ATP6AP1: variants seen among roughly 807,000 people sequenced by gnomAD.
ATP6AP1 encodes V-type proton ATPase subunit S1.
In ATP6AP1, 1 loss-of-function variant was observed where a neutral mutation model predicts 32.0. The ratio of observed to expected loss-of-function variants is 0.03; its 90% CI spans 0.01 to 0.15. The LOEUF is 0.15. Among genes scored for constraint, ATP6AP1 ranks in the 10% least tolerant of loss-of-function variants. The probability of loss-of-function intolerance (pLI) is 1.00; values close to 1 mark genes in which losing one functional copy is unlikely to be tolerated. For missense variants in ATP6AP1, 297 were observed against 398.8 expected, an observed-to-expected ratio of 0.74 and a Z score of 2.17; for synonymous variants, 187 against 174.9, an observed-to-expected ratio of 1.07 and a Z score of -0.55.
At chrX:154,432,153 T>C (rs2068696832) in intron 3 of ATP6AP1, 113 bp from the exon 4 acceptor site, 2 of 809,956 alleles carry the variant, frequency 2.5e-6, no homozygotes, top group Non-Finnish European at 3.5e-6. Context: ...ATTTTCTTGG[T>C]GAGCCTTTAT....
At chrX:154,429,358 G>C (rs2068682102) in intron 2 of ATP6AP1, 184 bp downstream of exon 2, 1 of 533,738 alleles carries the variant, frequency 1.9e-6, no homozygotes, top group Non-Finnish European at 3.0e-6. Flanking sequence ...GACAGCCTCG[G>C]AAATGGCACC....
rs782582475 is a variant in ATP6AP1 at position 154,428,718 on chromosome X, G to C, written c.26G>C (p.Arg9Pro). Residue 9 changes from arginine to proline, a missense_variant, in exon 1 of 10, where the codon CGA (arginine) becomes CCA (proline). Arg to Pro is a moderately radical substitution (Grantham distance 103). Around this residue, in one of 2 missense-constraint regions of ATP6AP1, gnomAD observed 142 missense variants for 145.0 expected, o/e 0.98. Coordinates refer to ENST00000369762, the MANE Select transcript of ATP6AP1 (RefSeq NM_001183.6). ...ATGATGGCGGCCATGGCGACGGCTCGAGTGCGGATGGGGCCGCGGTGCGCC... is the reference window on the plus strand; with the variant it reads ...ATGATGGCGGCCATGGCGACGGCTCCAGTGCGGATGGGGCCGCGGTGCGCC... MMAAMATA[R>P]VRMGPRCAQA... 2 of 1,149,792 alleles carry C rather than the reference G, an allele frequency of 1.7e-6. No individual in the cohort carries two copies. The highest frequency in any genetic ancestry group is 3.8e-5 in the South Asian group (2 of 52,161). The allele number at this position is 1,149,792 out of a possible 1,213,427, so 94.8% of individuals were successfully genotyped here.
In ATP6AP1 at chrX:154,436,323, T is replaced by C. The variant is rs369345078; in HGVS notation, c.*432T>C. 10 of 138,235 alleles carry C rather than the reference T, an allele frequency of 7.2e-5. No individual in the cohort carries two copies. In the East Asian group the frequency reaches 1.6e-3, roughly 23 times the overall value. 11.4% of individuals were successfully genotyped at this position (138,235 alleles called of 1,213,427 possible). A position where few individuals can be genotyped will look rare whatever the true frequency, so the allele number is the denominator to read the frequency against. On this transcript the variant is annotated 3_prime_UTR_variant, in exon 10 of 10. Coordinates refer to ENST00000369762, the MANE Select transcript of ATP6AP1 (RefSeq NM_001183.6). ...CTGTCCTGCTTGGCTGTCGTTATCG[T>C]TTTCTGGTGATGTTGTGCTAACAAT...
chrX:154,432,490 C>A (rs782724094), intron 4 of ATP6AP1, 31 bp downstream of exon 4: 36 of 1,146,990 alleles, frequency 3.1e-5, no homozygotes, highest in Non-Finnish European at 4.1e-5. Context: ...CCACCAGCCT[C>A]GGGGCCCAGA....
rs782713260 is a variant in ATP6AP1 at position 154,435,750 on chromosome X, C to T, written c.1272C>T (p.Pro424=). 9 of 1,210,143 alleles carry T rather than the reference C, an allele frequency of 7.4e-6. No homozygotes were observed. The highest frequency in any genetic ancestry group is 3.5e-5 in the South Asian group (2 of 56,883). Residue 424 remains proline, a synonymous_variant, in exon 10 of 10, where the codon CCC becomes CCT. Transcript: ENST00000369762. The part of the protein sequence containing the change: ...YASDCASFFS[P]GIWMGLLTSL... ...GCGACTGTGCCAGCTTCTTCTCCCC[C>T]GGCATCTGGATGGGGCTGCTCACCT...
chrX:154,432,619 G>A (rs1557197022), intron 4 of ATP6AP1, among the ~76,000 whole-genome samples, 160 bp downstream of exon 4: 2 of 112,574 alleles, frequency 1.8e-5, no homozygotes. Flanking sequence ...GAGGAGGGGA[G>A]GGCCTCTTCT....
In ATP6AP1 at chrX:154,432,307, C is replaced by A; in HGVS notation, c.405C>A (p.Ala135=). 8.3e-7 allele frequency: 1 copy of A among 1,210,873 alleles called. No individual in the cohort carries two copies. The highest frequency in any genetic ancestry group is 1.1e-6 in the Non-Finnish European group (1 of 894,681). Residue 135 remains alanine (A), a synonymous_variant, in exon 4 of 10, where the codon GCC becomes GCA. Transcript: ENST00000369762. ...CCCCCTCCTCACTGGTGCTTCCTGC[C>A]GTCGACTGGTATGCAGTCAGCACTC... The part of the protein sequence containing the change: ...DLAPSSLVLP[A]VDWYAVSTLT...
At chrX:154,433,046 T>G in intron 5 of ATP6AP1, 75 bp downstream of exon 5, 261 of 1,008,881 alleles carry the variant, frequency 2.6e-4, no homozygotes, top group Non-Finnish European at 3.3e-4. Flanking sequence ...TGGCCTGCAG[T>G]TCCTCGGCCT....
At position 154,435,684 on chromosome X, in the gene ATP6AP1, C is replaced by A. The variant is rs782073180; in HGVS notation, c.1206C>A (p.Ile402=). ...PWQMMLQDFQ[I]QAFNVMGEQF... ...ACCCGTGTCTGTGTGTCTGCCAGAT[C>A]CAGGCTTTCAACGTAATGGGGGAGC... is the stretch of plus-strand genomic sequence containing the variant. The change falls in exon 10 of 10, where the codon ATC becomes ATA. Residue 402 remains isoleucine, a splice_region_variant and synonymous_variant. Coordinates refer to ENST00000369762, the MANE Select transcript of ATP6AP1 (RefSeq NM_001183.6). 2 of 1,211,576 alleles carry A rather than the reference C, an allele frequency of 1.7e-6. No homozygotes were observed. Among genetic ancestry groups the A allele is most frequent in the Non-Finnish European group, 2.2e-6 (2 of 895,291 alleles).
intron 2 of ATP6AP1, 131 bp downstream of exon 2, chrX:154,429,305 G>C: frequency 1.2e-6 from 1 of 858,448 alleles, no homozygotes; most frequent in Non-Finnish European, 1.6e-6. Context: ...GGTGTGGGTC[G>C]TCTCATGGGA....
chrX:154,430,465 C>T (rs782174851), intron 2 of ATP6AP1: 4 of 111,709 alleles, frequency 3.6e-5, no homozygotes, highest in Admixed American at 1.9e-4. Flanking sequence ...TAGCCAGGAT[C>T]CCCCAGTCTT....
intron 2 of ATP6AP1, chrX:154,430,713 G>T (rs1356310993): frequency 9.0e-6 from 1 of 111,585 alleles, no homozygotes. Context: ...TGCTATTTTA[G>T]ATAAGGGTGG....
chrX:154,431,704 A>C, intron 2 of ATP6AP1, 126 bp from the exon 3 acceptor site: 12 of 573,747 alleles, frequency 2.1e-5, no homozygotes, highest in African/African-American at 6.8e-5. Flanking sequence ...GTGCTCCACC[A>C]TACTGAACCT....
intron 3 of ATP6AP1, 42 bp downstream of exon 3, chrX:154,431,946 G>A (rs782310185): frequency 8.6e-7 from 1 of 1,167,377 alleles, no homozygotes; most frequent in African/African-American, 1.8e-5. Flanking sequence ...GGGACATTCT[G>A]TGCTCCTTCT....
intron 2 of ATP6AP1, 51 bp from the exon 3 acceptor site, chrX:154,431,779 C>T (rs906335347): frequency 1.3e-5 from 15 of 1,159,986 alleles, no homozygotes; most frequent in Middle Eastern, 5.2e-4. Context: ...CCTGCCTTGG[C>T]CCCCATCACT....
At chrX:154,429,362 T>C (rs2068682115) in intron 2 of ATP6AP1, 188 bp downstream of exon 2, 3 of 515,014 alleles carry the variant, frequency 5.8e-6, no homozygotes, top group African/African-American at 4.8e-5. Flanking sequence ...GCCTCGGAAA[T>C]GGCACCAACT....
At chrX:154,431,929 G>A (rs782435833) in intron 3 of ATP6AP1, 25 bp downstream of exon 3, 17 of 1,192,565 alleles carry the variant, frequency 1.4e-5, no homozygotes, top group East Asian at 3.0e-5. Flanking sequence ...CCAGCCAGGG[G>A]CCATGGGGGA....
intron 9 of ATP6AP1, 39 bp downstream of exon 9, chrX:154,435,544 C>G: frequency 1.7e-6 from 2 of 1,196,415 alleles, no homozygotes. Context: ...GTGGGGGAGC[C>G]CAGGCTAGTG....
chrX:154,435,733 G>A lies in ATP6AP1; in HGVS notation c.1255G>A (p.Ala419Thr). 1 of 1,211,930 alleles carries A rather than the reference G, an allele frequency of 8.3e-7. No individual in the cohort carries two copies. ...GEQFSYASDC[A>T]SFFSPGIWMG... ...GCAGTTCTCCTACGCCAGCGACTGT[G>A]CCAGCTTCTTCTCCCCCGGCATCTG... The change falls in exon 10 of 10, where the codon GCC (alanine) becomes ACC (threonine). Residue 419 changes from alanine (A) to threonine (T), a missense_variant. Around this residue, in one of 2 missense-constraint regions of ATP6AP1, gnomAD observed 155 missense variants for 253.8 expected, o/e 0.61. Transcript: ENST00000369762.
Sources: gnomAD v4.1 joint callset for allele counts (sites outside exome capture counted in the v4.1 genomes callset) on GRCh38, gnomAD v4.1.1 for gene constraint, gnomAD v4.1.1 regional missense constraint, MANE v1.5 for transcripts, NCBI Gene and HGNC (gene_info 2026-07-23, HGNC 2026-07-21) for gene names.